The following ZNF831 variants were observed in gnomAD, a reference collection of about 807,000 sequenced individuals.
The protein encoded by ZNF831 is chromosome 20 open reading frame 174.
In ZNF831, 59 loss-of-function variants were observed where a neutral mutation model predicts 95.8. That is an observed-to-expected ratio of 0.62 (90% confidence interval 0.50 to 0.77). The LOEUF (loss-of-function observed/expected upper bound fraction) is 0.77. ZNF831 is among the 30% of genes least tolerant of loss of function. The pLI, the probability that ZNF831 is intolerant of heterozygous loss-of-function variation, is 0.00. For synonymous variants in ZNF831, 961 were observed against 925.5 expected (o/e 1.04, Z -0.70); for missense variants, 2,205 against 2,164.0 (o/e 1.02, Z -0.38).
chr20:59,124,312 C>T (rs1339362490), intron 1 of ZNF831, among the ~76,000 whole-genome samples: 1 of 152,108 alleles, frequency 6.6e-6, no homozygotes, highest in South Asian at 2.1e-4. Context: ...CTCATATTAC[C>T]ATAGGCTGGC....
chr20:59,182,699 C>T (rs542445710), intron 1 of ZNF831, among the ~76,000 whole-genome samples: 3 of 150,710 alleles, frequency 2.0e-5, no homozygotes, highest in African/African-American at 7.2e-5. Context: ...GCTTTCTGCA[C>T]ACTGTGTGTT....
At chr20:59,133,609 G>A (rs993908255) in intron 1 of ZNF831, among the ~76,000 whole-genome samples, 3 of 152,166 alleles carry the variant, frequency 2.0e-5, no homozygotes, top group African/African-American at 7.2e-5. Context: ...ATGGATTTTG[G>A]GTTATGGGTG....
intron 1 of ZNF831, among the ~76,000 whole-genome samples, chr20:59,186,364 G>A (rs1341782204): frequency 6.6e-6 from 1 of 152,166 alleles, no homozygotes; most frequent in Non-Finnish European, 1.5e-5. Context: ...GACAAGGGTA[G>A]GAGGAAGACA....
At chr20:59,252,887 C>T (rs1002334708) in intron 4 of ZNF831, 91 bp from the exon 5 acceptor site, 12 of 1,382,314 alleles carry the variant, frequency 8.7e-6, no homozygotes, top group South Asian at 7.1e-5. Context: ...AGCTCAGAGG[C>T]GATCAAGAAG....
At chr20:59,231,035 C>G in intron 4 of ZNF831, among the ~76,000 whole-genome samples, 1 of 152,142 alleles carries the variant, frequency 6.6e-6, no homozygotes, top group East Asian at 1.9e-4. Context: ...GATGGCTGCT[C>G]CAGCTCCTGC....
chr20:59,137,277 A>G (rs1268162008), intron 1 of ZNF831, among the ~76,000 whole-genome samples: 1 of 43,792 alleles, frequency 2.3e-5, no homozygotes, highest in Non-Finnish European at 5.3e-5. Flanking sequence ...CTTCCAATAC[A>G]TCTTTTTTTT....
intron 2 of ZNF831, among the ~76,000 whole-genome samples, chr20:59,148,411 G>GACTC: frequency 1.7e-5 from 2 of 117,108 alleles, no homozygotes; most frequent in Non-Finnish European, 3.8e-5. Flanking sequence ...GCCGGGCGCG[G>GACTC]TGGCTCACGC....
rs1985054185 is a variant in ZNF831, at chr20:59,208,383, G to A, written c.4027+1327G>A. Among the ~76,000 whole-genome samples, 1 of 152,188 alleles carries A rather than the reference G, an allele frequency of 6.6e-6. No individual in the cohort carries two copies. Among genetic ancestry groups the A allele is most frequent in the Non-Finnish European group, 1.5e-5 (1 of 68,042 alleles). On this transcript the variant is annotated intron_variant, in intron 4 of 5. Transcript: ENST00000371030. This position sits in a 1 kb window ranked among gnomAD's most constrained non-coding sequence, Gnocchi z 4.2. ...GGATGTCTCCCCCATGCAAAGGCCAGGGGACCATGCAACTCTCTGCTTTCT... is the reference window on the plus strand; with the variant it reads ...GGATGTCTCCCCCATGCAAAGGCCAAGGGACCATGCAACTCTCTGCTTTCT...
At chr20:59,163,452 C>G (rs1446753559), upstream of ZNF831, among the ~76,000 whole-genome samples, 3 of 152,188 alleles carry the variant, frequency 2.0e-5, no homozygotes, top group Non-Finnish European at 1.5e-5. Flanking sequence ...ACTGGGACCT[C>G]CCACCATAGT....
At chr20:59,128,830 T>C (rs908266406) in intron 1 of ZNF831, among the ~76,000 whole-genome samples, 1 of 152,192 alleles carries the variant, frequency 6.6e-6, no homozygotes, top group Admixed American at 6.5e-5. Flanking sequence ...GGTGCAATCT[T>C]GGCTCACTGC....
At position 59,195,963 on chromosome 20, in the gene ZNF831, G is replaced by T. The variant is rs566000763; in HGVS notation, c.3833G>T (p.Arg1278Leu). The T allele has an allele frequency of 1.9e-6, 3 of 1,614,064 alleles. No individual in the cohort carries two copies. Among genetic ancestry groups the T allele is most frequent in the Non-Finnish European group, 2.5e-6 (3 of 1,180,040 alleles). The change falls in exon 3 of 6, where the codon CGT becomes CTT. Residue 1278 changes from arginine (R) to leucine (L), a missense_variant. Transcript: ENST00000371030. ...CTGCCTTGGAGGGCAAAGATGTCTCGTGGGAACAGCAAGCAGAGAAAACTG... is the reference window on the plus strand; with the variant it reads ...CTGCCTTGGAGGGCAAAGATGTCTCTTGGGAACAGCAAGCAGAGAAAACTG... ...KGLPWRAKMS[R>L]GNSKQRKLKI...
rs2146763643 is a variant in ZNF831 at position 59,254,079 on chromosome 20, T to C, written c.4370T>C (p.Val1457Ala). ...ETQLLASQDS[V>A]STDPKPYIFS... is the part of the protein sequence containing the mutation. ...CAGCTGCTGGCCTCCCAGGATTCAG[T>C]CTCAACAGATCCCAAACCATACATC... Residue 1457 changes from valine (V) to alanine (A), a missense_variant, in exon 6 of 6, where the codon GTC becomes GCC. Transcript: ENST00000371030. The surrounding 1 kb of genome is among the most constrained non-coding windows in gnomAD (Gnocchi z 4.5). The C allele has an allele frequency of 6.2e-7, 1 of 1,614,016 alleles. No homozygotes were observed. Among genetic ancestry groups the C allele is most frequent in the South Asian group, 1.1e-5 (1 of 91,072 alleles).
At chr20:59,235,793 A>G (rs1160254059) in intron 4 of ZNF831, among the ~76,000 whole-genome samples, 2 of 152,140 alleles carry the variant, frequency 1.3e-5, no homozygotes, top group African/African-American at 4.8e-5. Context: ...GGTATTTATT[A>G]GCAGATGGGC....
intron 2 of ZNF831, among the ~76,000 whole-genome samples, chr20:59,155,600 G>C (rs1372506013): frequency 5.3e-5 from 8 of 152,216 alleles, no homozygotes. Flanking sequence ...TGGAAGTCCA[G>C]GTAAAGCTGG....
chr20:59,148,793 TCACCCA>T, intron 2 of ZNF831, among the ~76,000 whole-genome samples: 1 of 141,940 alleles, frequency 7.0e-6, no homozygotes, highest in African/African-American at 2.6e-5. Flanking sequence ...TTCCATCCTG[TCACCCA>T]GCCAGGAGAT....
chr20:59,210,037 T>G (rs1352034183), intron 4 of ZNF831, among the ~76,000 whole-genome samples: 1 of 152,172 alleles, frequency 6.6e-6, no homozygotes, highest in African/African-American at 2.4e-5. Context: ...TCAGGGCCAC[T>G]ATTCAACCAT....
chr20:59,201,509 AT>A (rs1984531930), intron 3 of ZNF831, among the ~76,000 whole-genome samples: 1 of 151,922 alleles, frequency 6.6e-6, no homozygotes, highest in Non-Finnish European at 1.5e-5. Context: ...TTTTTTTGTT[AT>A]GTTTTTAGTG....
intron 1 of ZNF831, among the ~76,000 whole-genome samples, chr20:59,127,315 A>T (rs532493571): frequency 2.0e-5 from 3 of 152,158 alleles, no homozygotes; most frequent in East Asian, 1.9e-4. Flanking sequence ...CGGCCCTGTC[A>T]TCTCACCCTA....
At chr20:59,234,586 C>T (rs1377848094) in intron 4 of ZNF831, among the ~76,000 whole-genome samples, 2 of 152,094 alleles carry the variant, frequency 1.3e-5, no homozygotes, top group Admixed American at 6.6e-5. Context: ...TGTCCAAGTC[C>T]CAGAGAATAA....
Sources: allele counts gnomAD v4.1 joint callset (sites outside exome capture counted in the v4.1 genomes callset), GRCh38; gene constraint gnomAD v4.1.1; non-coding constraint Gnocchi (gnomAD v3.1); transcripts MANE v1.5; gene names NCBI Gene and HGNC (gene_info 2026-07-23, HGNC 2026-07-21).